The following ITGB6 variants were observed in gnomAD, a reference collection of about 807,000 sequenced individuals.
ITGB6 encodes integrin beta-6.
A neutral mutation model predicts 84.5 loss-of-function variants in ITGB6; 80 were observed. The observed-to-expected ratio is 0.95, with a 90% CI of 0.79 to 1.14. The LOEUF is 1.14. Ranked by LOEUF, ITGB6 falls within the 50% of genes most tolerant of loss-of-function variation. The pLI, the probability that ITGB6 is intolerant of heterozygous loss-of-function variation, is 0.00. For synonymous variants in ITGB6, 383 were observed against 354.9 expected, an observed-to-expected ratio of 1.08 and a Z score of -0.89; for missense variants, 1,006 against 968.0, an observed-to-expected ratio of 1.04 and a Z score of -0.52.
intron 9 of ITGB6, 42 bp from the exon 10 acceptor site, chr2:160,137,893 A>G (rs1683821989): frequency 5.7e-6 from 9 of 1,590,938 alleles, no homozygotes; most frequent in Non-Finnish European, 7.7e-6. Flanking sequence ...ATCCACCAAA[A>G]TGCACGAGGT....
intron 8 of ITGB6, 102 bp from the exon 9 acceptor site, chr2:160,138,301 C>T: frequency 1.7e-6 from 2 of 1,153,804 alleles, no homozygotes; most frequent in Non-Finnish European, 1.2e-6. Context: ...ATAAATAAAA[C>T]TAAATTGGGT....
chr2:160,101,965 TG>T, intron 14 of ITGB6, 131 bp from the exon 15 acceptor site: 1 of 615,678 alleles, frequency 1.6e-6, no homozygotes, highest in Non-Finnish European at 2.9e-6. Flanking sequence ...TTGATTAATT[TG>T]GCATTTCATA....
intron 14 of ITGB6, among the ~76,000 whole-genome samples, chr2:160,102,117 C>T (rs1364775105): frequency 6.6e-6 from 1 of 152,184 alleles, no homozygotes; most frequent in African/African-American, 2.4e-5. Context: ...GTTGTGCTCA[C>T]TGCTGTTTTC....
In ITGB6 at chr2:160,200,226, T is replaced by C. The variant is rs181434141; in HGVS notation, c.-163A>G. 1.7e-6 allele frequency: 1 copy of C among 585,504 alleles called. No homozygotes were observed. The highest frequency in any genetic ancestry group is 2.9e-6 in the Non-Finnish European group (1 of 340,182). 36.3% of individuals were successfully genotyped at this position (585,504 alleles called of 1,614,324 possible). On this transcript the variant is annotated 5_prime_UTR_variant, in exon 1 of 15. Coordinates refer to ENST00000283249, the MANE Select transcript of ITGB6 (RefSeq NM_000888.5). ...AACTTGAGATATAAGTTAGAAAGTTTTCATTAAGACTGAAATGAAAACAGA... is the reference window on the plus strand; with the variant it reads ...AACTTGAGATATAAGTTAGAAAGTTCTCATTAAGACTGAAATGAAAACAGA...
intron 10 of ITGB6, 119 bp downstream of exon 10, chr2:160,137,315 A>T: frequency 1.1e-6 from 1 of 930,894 alleles, no homozygotes; most frequent in Non-Finnish European, 1.6e-6. Context: ...TCTAAGGCTG[A>T]TCAGCAAATA....
rs369434853 is a variant in ITGB6 at position 160,148,508 on chromosome 2, C to T, written c.1018-6437G>A. On this transcript the variant is annotated intron_variant, in intron 7 of 14. Transcript: ENST00000283249. ...CAAGATGGCTGAATAGGAACAGCTCCGATCTGCAGCTCCCAGCATGATCGA... is the reference window on the plus strand; with the variant it reads ...CAAGATGGCTGAATAGGAACAGCTCTGATCTGCAGCTCCCAGCATGATCGA... Among the ~76,000 whole-genome samples the T allele has an allele frequency of 1.8e-4, 28 of 152,306 alleles. No homozygotes were observed. In the South Asian group the frequency reaches 2.1e-3, roughly 11 times the overall value.
intron 7 of ITGB6, among the ~76,000 whole-genome samples, chr2:160,167,421 C>T (rs750885047): frequency 6.6e-6 from 1 of 152,132 alleles, no homozygotes; most frequent in Non-Finnish European, 1.5e-5. Flanking sequence ...AACAATGAAA[C>T]GGTCAGTCAT....
intron 12 of ITGB6, among the ~76,000 whole-genome samples, chr2:160,117,030 C>T (rs7589632): frequency 0.66 from 98,406 of 148,094 alleles, 33,083 homozygotes; most frequent in Admixed American, 0.73. Context: ...CTTAGTGACC[C>T]ACAAAGAGAC....
chr2:160,184,573 CT>C (rs1460818595), intron 4 of ITGB6, among the ~76,000 whole-genome samples: 2 of 152,180 alleles, frequency 1.3e-5, no homozygotes, highest in Non-Finnish European at 2.9e-5. Flanking sequence ...GGTACCATTC[CT>C]TTTGAAACTA....
chr2:160,153,234 A>C (rs183244840), intron 7 of ITGB6, among the ~76,000 whole-genome samples: 1 of 152,344 alleles, frequency 6.6e-6, no homozygotes, highest in Admixed American at 6.5e-5. Flanking sequence ...TGGTACCAAA[A>C]CAGAGATATA....
Position 160,126,397 on chromosome 2 carries a change from T to G in ITGB6, c.1865A>C (p.Asp622Ala). 6.2e-7 allele frequency: 1 copy of G among 1,614,038 alleles called. No homozygotes were observed. The change falls in exon 11 of 15, where the codon GAC becomes GCC. Residue 622 changes from aspartate to alanine, a missense_variant. Physicochemically the swap from Asp to Ala is moderately radical, Grantham distance 126. Coordinates refer to ENST00000283249, the MANE Select transcript of ITGB6 (RefSeq NM_000888.5). ...PTCERCPTCG[D>A]PCNSKRSCIE... The stretch of plus-strand genomic sequence containing the variant: ...ACATTACCGTTTAGAGTTACAGGGG[T>G]CACCACAGGTAGGACATCGTTCACA...
At chr2:160,127,141 T>C (rs910075123) in intron 10 of ITGB6, among the ~76,000 whole-genome samples, 6 of 152,202 alleles carry the variant, frequency 3.9e-5, no homozygotes, top group African/African-American at 1.4e-4. Flanking sequence ...TATATTTCTT[T>C]GATATATTTT....
intron 12 of ITGB6, among the ~76,000 whole-genome samples, chr2:160,118,337 C>T (rs1040465019): frequency 6.6e-6 from 1 of 152,200 alleles, no homozygotes; most frequent in African/African-American, 2.4e-5. Context: ...GGCTTCATCC[C>T]TGGGATGCAA....
chr2:160,174,866 C>T (rs1050218069), intron 4 of ITGB6, among the ~76,000 whole-genome samples: 6 of 152,150 alleles, frequency 3.9e-5, no homozygotes, highest in African/African-American at 9.7e-5. Context: ...TGCGGATAAT[C>T]GTATAGAGGA....
At chr2:160,182,324 A>G (rs994152413) in intron 4 of ITGB6, among the ~76,000 whole-genome samples, 7 of 152,222 alleles carry the variant, frequency 4.6e-5, no homozygotes, top group Admixed American at 3.9e-4. Flanking sequence ...TGAGAAACAC[A>G]GCACGAGAAC....
In ITGB6 at chr2:160,112,166, A is replaced by G. The variant is rs1481294410; in HGVS notation, c.2015T>C (p.Leu672Pro). The G allele has an allele frequency of 1.9e-6, 3 of 1,612,502 alleles. No individual in the cohort carries two copies. The highest frequency in any genetic ancestry group is 2.5e-6 in the Non-Finnish European group (3 of 1,178,768). Residue 672 changes from leucine to proline, a missense_variant, in exon 13 of 15, where the codon CTG (leucine) becomes CCG (proline). By Grantham distance (98) the Leu-to-Pro change is moderately conservative. Coordinates refer to ENST00000283249, the MANE Select transcript of ITGB6 (RefSeq NM_000888.5). ...FSKDGSVSCS[L>P]QGENECLITF... ...AATAAGACATTCATTTTCTCCTTGC[A>G]GAGAGCAGGAAACAGAACCATCCTT...
At chr2:160,107,651 C>G (rs11888415) in intron 14 of ITGB6, 28 bp downstream of exon 14, 1 of 1,609,442 alleles carries the variant, frequency 6.2e-7, no homozygotes, top group African/African-American at 1.3e-5. Context: ...CTCCCCTAGA[C>G]AAGGAGTAGC....
At chr2:160,156,620 T>C (rs1684631945) in intron 7 of ITGB6, among the ~76,000 whole-genome samples, 1 of 152,194 alleles carries the variant, frequency 6.6e-6, no homozygotes, top group South Asian at 2.1e-4. Context: ...TAGCTAGAGC[T>C]AACCGTTAGA....
chr2:160,108,252 T>TGTGTGTGTGTGTGC (rs1440154947), intron 13 of ITGB6, among the ~76,000 whole-genome samples: 1 of 148,070 alleles, frequency 6.8e-6, no homozygotes, highest in African/African-American at 2.5e-5. Flanking sequence ...TGTGTGTGTG[T>TGTGTGTGTGTGTGC]GTGCTGCATG....
Sources: gnomAD v4.1 joint callset for allele counts (sites outside exome capture counted in the v4.1 genomes callset) on GRCh38, gnomAD v4.1.1 for gene constraint, MANE v1.5 for transcripts, NCBI Gene and HGNC (gene_info 2026-07-23, HGNC 2026-07-21) for gene names.